The following UBE2A variants were observed in gnomAD, a reference collection of about 807,000 sequenced individuals.
The protein encoded by UBE2A is ubiquitin conjugating enzyme E2 A.
For missense variants in UBE2A, 27 were observed against 125.8 expected (o/e 0.21, Z 3.76); for synonymous variants, 39 against 41.1 (o/e 0.95, Z 0.20).
rs1056134720 is a variant in UBE2A, at chrX:119,575,172, G to T, written c.125+191G>T. On this transcript the variant is annotated intron_variant, in intron 2 of 5. Transcript: ENST00000371558. The stretch of plus-strand genomic sequence containing the variant: ...CCGCTGCCAGGGGGAACCGCTTGGG[G>T]TTCTAGGGGGGCGGGGCGGGGAGTG... The T allele has an allele frequency of 8.1e-6, 6 of 742,861 alleles. No individual in the cohort carries two copies. In the African/African-American group the frequency reaches 8.4e-5, roughly 10 times the overall value. 61.2% of individuals were successfully genotyped at this position (742,861 alleles called of 1,213,427 possible). A position where few individuals can be genotyped will look rare whatever the true frequency, so the allele number is the denominator to read the frequency against.
intron 3 of UBE2A, chrX:119,575,652 T>G: frequency 2.7e-6 from 1 of 375,167 alleles, no homozygotes; most frequent in Non-Finnish European, 4.7e-6. Flanking sequence ...GGAGCAATCA[T>G]AGCACTGGTA....
chrX:119,581,997 C>T (rs1361486174), intron 4 of UBE2A, among the ~76,000 whole-genome samples: 33 of 112,223 alleles, frequency 2.9e-4, no homozygotes, highest in Admixed American at 2.9e-3. Flanking sequence ...CAGATGCCTT[C>T]GCCCCACTCC....
intron 3 of UBE2A, among the ~76,000 whole-genome samples, chrX:119,580,117 A>G (rs1317619831): frequency 8.9e-6 from 1 of 111,749 alleles, no homozygotes; most frequent in Non-Finnish European, 1.9e-5. Context: ...CTTAGTTATA[A>G]TACATAGTAT....
chrX:119,581,619 T>C (rs759370328), intron 4 of UBE2A, 23 bp downstream of exon 4: 1 of 1,052,627 alleles, frequency 9.5e-7, no homozygotes, highest in South Asian at 1.9e-5. Context: ...TTTAGTACAG[T>C]GTTTTAAACT....
intron 5 of UBE2A, 48 bp downstream of exon 5, chrX:119,582,724 A>G (rs1413206881): frequency 1.8e-5 from 17 of 953,631 alleles, no homozygotes; most frequent in Non-Finnish European, 2.6e-5. Flanking sequence ...ATATGTTTAT[A>G]TTAGCAATTG....
intron 3 of UBE2A, among the ~76,000 whole-genome samples, chrX:119,578,238 C>T (rs1310426097): frequency 9.0e-6 from 1 of 111,358 alleles, no homozygotes; most frequent in Non-Finnish European, 1.9e-5. Flanking sequence ...CTTACACTAC[C>T]AAAACATTGG....
chrX:119,583,624 A>G lies in UBE2A; in HGVS notation c.*369A>G, dbSNP rs907073689. 30 of 202,384 alleles carry G rather than the reference A, an allele frequency of 1.5e-4. No homozygotes were observed. Among genetic ancestry groups the G allele is most frequent in the Non-Finnish European group, 6.4e-5 (7 of 110,166 alleles). The allele number at this position is 202,384 out of a possible 1,213,427, so 16.7% of individuals were successfully genotyped here. On this transcript the variant is annotated 3_prime_UTR_variant, in exon 6 of 6. Coordinates refer to ENST00000371558, the MANE Select transcript of UBE2A (RefSeq NM_003336.4). ...ATGACCAGGATGTTATTTTTAACAAAATGATTGCTGAAGTGTTTCATCCTG... is the reference window on the plus strand; with the variant it reads ...ATGACCAGGATGTTATTTTTAACAAGATGATTGCTGAAGTGTTTCATCCTG...
At chrX:119,577,745 ATTC>A (rs1217606279) in intron 3 of UBE2A, among the ~76,000 whole-genome samples, 2 of 104,453 alleles carry the variant, frequency 1.9e-5, no homozygotes, top group African/African-American at 3.5e-5. Flanking sequence ...GGTTCAAGCA[ATTC>A]TTCTGCCTCA....
intron 3 of UBE2A, chrX:119,580,906 TATGAGCCATACTTA>T (rs1257465759): frequency 8.9e-6 from 1 of 112,069 alleles, no homozygotes; most frequent in African/African-American, 3.3e-5. Context: ...TGAAGTACCT[TATGAGCCATACTTA>T]AGGGTTTCTG....
chrX:119,578,830 G>A (rs1190030058), intron 3 of UBE2A, among the ~76,000 whole-genome samples: 2 of 111,491 alleles, frequency 1.8e-5, no homozygotes, highest in East Asian at 2.8e-4. Context: ...CTTTCCTTAC[G>A]ATGTCTTAGC....
chrX:119,581,715 G>A, intron 4 of UBE2A, 119 bp downstream of exon 4: 1 of 571,588 alleles, frequency 1.7e-6, no homozygotes, highest in East Asian at 3.5e-5. Flanking sequence ...GCTGCTTCTT[G>A]AAAGCTGAAC....
intron 4 of UBE2A, 132 bp downstream of exon 4, chrX:119,581,728 G>T (rs1051598568): frequency 2.9e-5 from 15 of 519,867 alleles, no homozygotes; most frequent in Non-Finnish European, 4.7e-5. Flanking sequence ...AGCTGAACTT[G>T]TTCTTGGTTG....
chrX:119,576,000 C>T (rs1400198835), intron 3 of UBE2A, among the ~76,000 whole-genome samples: 1 of 112,051 alleles, frequency 8.9e-6, no homozygotes, highest in Admixed American at 9.5e-5. Context: ...GTGCTTTCAT[C>T]AAGACGTTAT....
At chrX:119,579,303 C>T (rs2053436548) in intron 3 of UBE2A, among the ~76,000 whole-genome samples, 1 of 111,948 alleles carries the variant, frequency 8.9e-6, no homozygotes, top group Admixed American at 9.5e-5. Flanking sequence ...TATAGGTACT[C>T]AACTTGCTTT....
chrX:119,574,838 G>GGGGAGCGGCC, intron 1 of UBE2A, 63 bp from the exon 2 acceptor site: 1 of 1,204,198 alleles, frequency 8.3e-7, no homozygotes, highest in Non-Finnish European at 1.1e-6. Flanking sequence ...GGGGAGGGCT[G>GGGGAGCGGCC]GGGAGCGGCC....
chrX:119,581,688 ATTTG>A, intron 4 of UBE2A, 92 bp downstream of exon 4: 1 of 736,691 alleles, frequency 1.4e-6, no homozygotes, highest in South Asian at 2.4e-5. Flanking sequence ...GTGCCTGAGT[ATTTG>A]TTTAGGCAGC....
intron 3 of UBE2A, among the ~76,000 whole-genome samples, chrX:119,577,893 C>T (rs1032148518): frequency 9.0e-6 from 1 of 110,498 alleles, no homozygotes; most frequent in African/African-American, 3.3e-5. Context: ...CCGCCCACCT[C>T]GGCCTCCCAA....
Position 119,574,646 on chromosome X carries a change from G to A in UBE2A, c.-66G>A. Reference sequence around the variant, plus strand: ...TTCTCCTGCTTCTCCAGCCTCTTCGGCCTCCTCGCCCGCCGCGGGAACCCG... The same window carrying A: ...TTCTCCTGCTTCTCCAGCCTCTTCGACCTCCTCGCCCGCCGCGGGAACCCG... On this transcript the variant is annotated 5_prime_UTR_variant, in exon 1 of 6. Coordinates refer to ENST00000371558, the MANE Select transcript of UBE2A (RefSeq NM_003336.4). The A allele has an allele frequency of 8.7e-7, 1 of 1,155,704 alleles. No individual in the cohort carries two copies.
chrX:119,584,239 T>C lies in UBE2A; in HGVS notation c.*984T>C, dbSNP rs1381599274. The C allele has an allele frequency of 5.4e-5, 6 of 112,142 alleles. No homozygotes were observed. Among genetic ancestry groups the C allele is most frequent in the Non-Finnish European group, 9.4e-5 (5 of 53,204 alleles). The allele number at this position is 112,142 out of a possible 1,213,427, so 9.2% of individuals were successfully genotyped here. On this transcript the variant is annotated 3_prime_UTR_variant, in exon 6 of 6. Transcript: ENST00000371558. Reference sequence around the variant, plus strand: ...TCTGCGATCTTTTTTTGGATATTTATACTTTTAGATATATAGTACCTTTAA... The same window carrying C: ...TCTGCGATCTTTTTTTGGATATTTACACTTTTAGATATATAGTACCTTTAA...
Sources: gnomAD v4.1 joint callset for allele counts (sites outside exome capture counted in the v4.1 genomes callset) on GRCh38, gnomAD v4.1.1 for gene constraint, MANE v1.5 for transcripts, NCBI Gene and HGNC (gene_info 2026-07-23, HGNC 2026-07-21) for gene names.